HEATR5B: variants seen among roughly 807,000 people sequenced by gnomAD.
The protein encoded by HEATR5B is HEAT repeat containing 5B.
Under a neutral mutation model 224.1 loss-of-function variants are expected in HEATR5B, and 156 were observed. The observed-to-expected ratio is 0.70, with a 90% confidence interval of 0.61 to 0.80. The LOEUF (loss-of-function observed/expected upper bound fraction) is 0.80. Ranked by LOEUF, HEATR5B falls within the 30% of genes least tolerant of loss-of-function variation. HEATR5B has a pLI of 0.00. For synonymous variants in HEATR5B, 1,027 were observed against 893.0 expected, an observed-to-expected ratio of 1.15 and a Z score of -2.68; for missense variants, 2,323 against 2,535.5, an observed-to-expected ratio of 0.92 and a Z score of 1.80.
In HEATR5B at chr2:37,030,671, T is replaced by G. The variant is rs144822963; in HGVS notation, c.3362-1751A>C. On this transcript the variant is annotated intron_variant, in intron 22 of 35. Transcript: ENST00000233099. The stretch of plus-strand genomic sequence containing the variant: ...CCAACACTGGTTGTAATTATTATTT[T>G]TAATCTTGATCACTTTTATAGAAGA... Among the ~76,000 whole-genome samples, 798 of 152,370 alleles carry G rather than the reference T, an allele frequency of 5.2e-3. 5 individuals are homozygous for G. The highest frequency in any genetic ancestry group is 9.0e-3 in the Non-Finnish European group (613 of 68,036).
At chr2:37,015,700 T>G (rs899413208) in intron 26 of HEATR5B, among the ~76,000 whole-genome samples, 1 of 152,174 alleles carries the variant, frequency 6.6e-6, no homozygotes, top group African/African-American at 2.4e-5. Flanking sequence ...CAGCGTGATT[T>G]TAATTTTGAA....
intron 18 of HEATR5B, among the ~76,000 whole-genome samples, chr2:37,042,398 A>G (rs1669927202): frequency 6.6e-6 from 1 of 152,220 alleles, no homozygotes; most frequent in African/African-American, 2.4e-5. Flanking sequence ...TTAGGCACCA[A>G]GAAGGATAAG....
chr2:37,082,164 G>A (rs1040668221), intron 2 of HEATR5B, among the ~76,000 whole-genome samples: 1 of 132,526 alleles, frequency 7.5e-6, no homozygotes, highest in East Asian at 2.4e-4. Flanking sequence ...CTGCCTTTCC[G>A]GCTCAAGCGA....
chr2:37,062,594 G>A (rs936940421), intron 10 of HEATR5B, among the ~76,000 whole-genome samples: 19 of 152,142 alleles, frequency 1.2e-4, no homozygotes, highest in African/African-American at 4.6e-4. Context: ...CCATTTACTC[G>A]CATTCTCATT....
In HEATR5B at chr2:37,068,958, G is replaced by C. The variant is rs778423264; in HGVS notation, c.928-28C>G. 6 of 1,600,674 alleles carry C rather than the reference G, an allele frequency of 3.7e-6. No homozygotes were observed. In the East Asian group the frequency reaches 1.3e-4, roughly 36 times the overall value. ...GTAAAAAGAGGAAGGTACGACTTCA[G>C]ATACACTTACATAACTGAACAGAAA... On this transcript the variant is annotated intron_variant, in intron 7 of 35. Transcript: ENST00000233099.
intron 8 of HEATR5B, among the ~76,000 whole-genome samples, chr2:37,067,305 C>T (rs142105941): frequency 9.9e-5 from 15 of 152,266 alleles, no homozygotes; most frequent in East Asian, 7.7e-4. Context: ...CACCATTTGA[C>T]GCGGTGTTTC....
chr2:36,989,466 T>C (rs1666173945), intron 34 of HEATR5B, among the ~76,000 whole-genome samples: 1 of 152,226 alleles, frequency 6.6e-6, no homozygotes, highest in African/African-American at 2.4e-5. Flanking sequence ...TAATGTACAA[T>C]TGTCCCTCCC....
intron 33 of HEATR5B, among the ~76,000 whole-genome samples, chr2:36,991,803 A>G (rs1666350181): frequency 6.6e-6 from 1 of 152,244 alleles, no homozygotes; most frequent in African/African-American, 2.4e-5. Flanking sequence ...TAGAAGGATT[A>G]CAAACATATA....
At chr2:36,984,901 C>T (rs999972734) in intron 35 of HEATR5B, among the ~76,000 whole-genome samples, 1 of 152,126 alleles carries the variant, frequency 6.6e-6, no homozygotes, top group African/African-American at 2.4e-5. Flanking sequence ...GTGCAAGTTT[C>T]TCTTGAAACC....
chr2:37,047,409 AC>A (rs1670273911), intron 18 of HEATR5B, among the ~76,000 whole-genome samples: 1 of 152,226 alleles, frequency 6.6e-6, no homozygotes, highest in South Asian at 2.1e-4. Flanking sequence ...TTAGAAAGTT[AC>A]CTTTGTGTTA....
chr2:37,046,549 G>A (rs1353823093), intron 18 of HEATR5B, among the ~76,000 whole-genome samples: 1 of 149,732 alleles, frequency 6.7e-6, no homozygotes, highest in South Asian at 2.1e-4. Context: ...TGAGGCACAA[G>A]AATCACTTGA....
rs1667143000 is a variant in HEATR5B, at chr2:37,002,361, C to T, written c.5262G>A (p.Leu1754=). ...KTRLSEESAR[L]VAATVTILSD... is the part of the protein sequence containing the mutation. The stretch of plus-strand genomic sequence containing the variant: ...AGAGTATGGTAACTGTGGCTGCCAC[C>T]AAACGAGCACTTTCTTCTGATAGTC... Residue 1754 remains leucine (L), a synonymous_variant, in exon 32 of 36, where the codon TTG becomes TTA. Transcript: ENST00000233099. 6.2e-7 allele frequency: 1 copy of T among 1,614,088 alleles called. No individual in the cohort carries two copies. The highest frequency in any genetic ancestry group is 1.3e-5 in the African/African-American group (1 of 74,944).
intron 3 of HEATR5B, among the ~76,000 whole-genome samples, chr2:37,078,336 A>C (rs1204046453): frequency 6.6e-6 from 1 of 152,218 alleles, no homozygotes; most frequent in Non-Finnish European, 1.5e-5. Context: ...GCTGATAATA[A>C]ATTTAAAATG....
intron 29 of HEATR5B, among the ~76,000 whole-genome samples, 177 bp from the exon 30 acceptor site, chr2:37,005,936 G>A (rs1484831744): frequency 6.6e-6 from 1 of 152,150 alleles, no homozygotes; most frequent in Non-Finnish European, 1.5e-5. Flanking sequence ...ACATAAGGTT[G>A]TAGTTTTGCA....
chr2:36,999,150 C>T (rs964372785), intron 33 of HEATR5B, among the ~76,000 whole-genome samples: 18 of 151,776 alleles, frequency 1.2e-4, no homozygotes, highest in East Asian at 3.9e-4. Flanking sequence ...ACCTGGGAGG[C>T]GGAGGCTGTG....
intron 19 of HEATR5B, among the ~76,000 whole-genome samples, chr2:37,040,758 A>G (rs2287108): frequency 6.6e-6 from 1 of 151,892 alleles, no homozygotes; most frequent in Non-Finnish European, 1.5e-5. Flanking sequence ...AGGGTCCACA[A>G]GAAGATTCAG....
chr2:37,051,906 A>G (rs1038036314), intron 17 of HEATR5B, among the ~76,000 whole-genome samples: 14 of 151,666 alleles, frequency 9.2e-5, no homozygotes, highest in Non-Finnish European at 1.0e-4. Context: ...CGCCTGGCTA[A>G]TTTTTGTATT....
chr2:37,056,376 A>G, intron 16 of HEATR5B, 64 bp downstream of exon 16: 1 of 1,167,844 alleles, frequency 8.6e-7, no homozygotes, highest in Admixed American at 2.6e-5. Context: ...GGGATGAGAA[A>G]ATCTACTTTT....
intron 32 of HEATR5B, among the ~76,000 whole-genome samples, chr2:37,001,957 G>A (rs914394855): frequency 2.6e-5 from 4 of 152,190 alleles, no homozygotes; most frequent in Admixed American, 6.5e-5. Flanking sequence ...ATGAGCCACC[G>A]CACCTGGCCT....
Sources: allele counts gnomAD v4.1 joint callset (sites outside exome capture counted in the v4.1 genomes callset), GRCh38; gene constraint gnomAD v4.1.1; transcripts MANE v1.5; gene names NCBI Gene and HGNC (gene_info 2026-07-23, HGNC 2026-07-21).